Variants in NEGR1 observed in about 807,000 individuals in gnomAD.
NEGR1 encodes the protein IgLON family member 4.
A neutral mutation model predicts 40.9 loss-of-function variants in NEGR1; 10 were observed. That is an observed-to-expected ratio of 0.24 (90% confidence interval 0.15 to 0.42). The LOEUF (loss-of-function observed/expected upper bound fraction) is 0.42, where lower values mean the gene tolerates loss of function less well. NEGR1 is among the 10% of genes least tolerant of loss of function. The pLI is 1.00. For synonymous variants in NEGR1, 185 were observed against 166.8 expected, an observed-to-expected ratio of 1.11 and a Z score of -0.84; for missense variants, 352 against 438.9, an observed-to-expected ratio of 0.80 and a Z score of 1.77.
intron 2 of NEGR1, among the ~76,000 whole-genome samples, chr1:71,786,854 C>G (rs1017707093): frequency 1.3e-5 from 2 of 152,072 alleles, no homozygotes; most frequent in African/African-American, 2.4e-5. Context: ...ACTGGGAAAA[C>G]AAAACAAAAC....
chr1:71,429,642 CCAGA>C (rs1401067150), intron 6 of NEGR1, among the ~76,000 whole-genome samples: 1 of 152,078 alleles, frequency 6.6e-6, no homozygotes, highest in African/African-American at 2.4e-5. Flanking sequence ...TGTTCTGCAG[CCAGA>C]CAAACAGTGG....
chr1:72,149,458 G>A (rs1004848927), intron 1 of NEGR1, among the ~76,000 whole-genome samples: 6 of 152,018 alleles, frequency 3.9e-5, no homozygotes, highest in South Asian at 2.1e-4. Flanking sequence ...AAAATCTTCC[G>A]TTCTATGTCA....
At chr1:71,923,239 C>A (rs1287619148) in intron 2 of NEGR1, among the ~76,000 whole-genome samples, 1 of 152,118 alleles carries the variant, frequency 6.6e-6, no homozygotes, top group Non-Finnish European at 1.5e-5. Flanking sequence ...TCTATTCCAT[C>A]AGTGGTTCTC....
At chr1:71,706,448 T>TA (rs754569334) in intron 3 of NEGR1, among the ~76,000 whole-genome samples, 1 of 150,684 alleles carries the variant, frequency 6.6e-6, no homozygotes, top group Non-Finnish European at 1.5e-5. Flanking sequence ...AGGGAAGAAC[T>TA]AGGCCCAGAC....
chr1:71,642,405 G>A (rs1443486330), intron 4 of NEGR1, among the ~76,000 whole-genome samples: 5 of 151,720 alleles, frequency 3.3e-5, no homozygotes, highest in Non-Finnish European at 7.4e-5. Flanking sequence ...AGGACAGAAA[G>A]AGAAGAAGAA....
chr1:72,225,431 ATATCTTAATATTCATATTT>A (rs1654160939), intron 1 of NEGR1, among the ~76,000 whole-genome samples: 1 of 151,782 alleles, frequency 6.6e-6, no homozygotes, highest in South Asian at 2.1e-4. Flanking sequence ...GTATTATAAA[ATATCTTAATATTCATATTT>A]TACATAAAAA....
At chr1:72,120,891 C>T (rs1186462034) in intron 1 of NEGR1, among the ~76,000 whole-genome samples, 2 of 151,834 alleles carry the variant, frequency 1.3e-5, no homozygotes, top group Non-Finnish European at 2.9e-5. Flanking sequence ...CTTGCTTTCA[C>T]ATACAATGTT....
chr1:72,176,161 A>G (rs184167303), intron 1 of NEGR1, among the ~76,000 whole-genome samples: 2 of 152,182 alleles, frequency 1.3e-5, no homozygotes, highest in Admixed American at 1.3e-4. Context: ...TTTTCCTATG[A>G]TATTTTTTGC....
chr1:72,149,816 G>T (rs1177555495), intron 1 of NEGR1, among the ~76,000 whole-genome samples: 1 of 147,346 alleles, frequency 6.8e-6, no homozygotes, highest in Non-Finnish European at 1.5e-5. Flanking sequence ...GGGAGGCGGA[G>T]GTTGTGGTGA....
At chr1:71,718,853 A>G (rs974484508) in intron 3 of NEGR1, among the ~76,000 whole-genome samples, 1 of 152,152 alleles carries the variant, frequency 6.6e-6, no homozygotes, top group Non-Finnish European at 1.5e-5. Context: ...CCAGTAAACT[A>G]GTTATCCCTT....
intron 6 of NEGR1, among the ~76,000 whole-genome samples, chr1:71,565,610 C>T (rs1438831117): frequency 2.0e-5 from 3 of 152,132 alleles, no homozygotes; most frequent in Non-Finnish European, 4.4e-5. Context: ...TGCCAGCTGA[C>T]TCTTCAGTTT....
intron 6 of NEGR1, among the ~76,000 whole-genome samples, chr1:71,428,694 T>A (rs1333438519): frequency 1.3e-5 from 2 of 150,208 alleles, no homozygotes; most frequent in Admixed American, 6.6e-5. Context: ...ATTATATAAA[T>A]TTATTTACTC....
intron 2 of NEGR1, among the ~76,000 whole-genome samples, chr1:71,834,075 C>A (rs1047368700): frequency 6.6e-6 from 1 of 152,066 alleles, no homozygotes; most frequent in Non-Finnish European, 1.5e-5. Context: ...TTTGGCCTAC[C>A]TTTTCACAAT....
intron 2 of NEGR1, among the ~76,000 whole-genome samples, chr1:71,924,539 C>T (rs1326842800): frequency 2.6e-5 from 4 of 152,126 alleles, no homozygotes; most frequent in Admixed American, 2.6e-4. Context: ...TCCATCCACC[C>T]ATTTGTTCAA....
chr1:71,914,911 T>C (rs993121396), intron 2 of NEGR1, among the ~76,000 whole-genome samples: 4 of 152,186 alleles, frequency 2.6e-5, no homozygotes, highest in Admixed American at 2.6e-4. Context: ...ATTACCTATT[T>C]TAACTAAGTG....
chr1:72,163,415 C>A (rs1373092964), intron 1 of NEGR1, among the ~76,000 whole-genome samples: 1 of 151,950 alleles, frequency 6.6e-6, no homozygotes, highest in Non-Finnish European at 1.5e-5. Context: ...TACTTGCTTT[C>A]TTTCTACCAT....
intron 2 of NEGR1, among the ~76,000 whole-genome samples, chr1:71,793,872 G>T (rs1402734526): frequency 6.6e-6 from 1 of 151,874 alleles, no homozygotes; most frequent in African/African-American, 2.4e-5. Context: ...ACAAAAAGTT[G>T]CAATCTAGGG....
intron 2 of NEGR1, among the ~76,000 whole-genome samples, chr1:71,874,947 C>T (rs1428686445): frequency 6.6e-6 from 1 of 152,032 alleles, no homozygotes; most frequent in African/African-American, 2.4e-5. Flanking sequence ...CAGGCTCAAT[C>T]AATCCTCCTC....
intron 1 of NEGR1, among the ~76,000 whole-genome samples, chr1:72,139,073 AAC>A (rs1650574694): frequency 1.4e-5 from 2 of 147,614 alleles, no homozygotes; most frequent in East Asian, 2.0e-4. Context: ...AAATATTGGA[AAC>A]ACATATCTAA....
Sources: gnomAD v4.1 joint callset for allele counts (sites outside exome capture counted in the v4.1 genomes callset) on GRCh38, gnomAD v4.1.1 for gene constraint, MANE v1.5 for transcripts, NCBI Gene and HGNC (gene_info 2026-07-23, HGNC 2026-07-21) for gene names.